Variants in CUX2 observed in about 807,000 individuals in gnomAD.
CUX2 encodes cut like homeobox 2.
CUX2 carries 40 observed loss-of-function variants against 144.8 expected under a neutral mutation model. The observed-to-expected ratio is 0.28, with a 90% CI of 0.21 to 0.36. The LOEUF is 0.36. CUX2 is among the 10% of genes least tolerant of loss of function. CUX2 has a pLI of 1.00. For missense variants in CUX2, 1,615 were observed against 1,994.0 expected, an observed-to-expected ratio of 0.81 and a Z score of 3.62; for synonymous variants, 827 against 875.6, an observed-to-expected ratio of 0.94 and a Z score of 0.98.
At chr12:111,082,926 T>C (rs1187957188) in intron 1 of CUX2, among the ~76,000 whole-genome samples, 1 of 151,978 alleles carries the variant, frequency 6.6e-6, no homozygotes, top group Admixed American at 6.6e-5. Context: ...ATGGAGGACA[T>C]TTGAGCAGGA....
At chr12:111,063,781 C>T (rs1383975181) in intron 1 of CUX2, among the ~76,000 whole-genome samples, 4 of 152,226 alleles carry the variant, frequency 2.6e-5, no homozygotes, top group African/African-American at 7.2e-5. Context: ...CTCCAAAATA[C>T]TGATTCATTA....
intron 4 of CUX2, among the ~76,000 whole-genome samples, chr12:111,276,750 C>T (rs1031694889): frequency 2.6e-5 from 4 of 152,222 alleles, no homozygotes; most frequent in African/African-American, 7.2e-5. Flanking sequence ...TGGGTTCAGG[C>T]GATTCTTCTG....
intron 9 of CUX2, among the ~76,000 whole-genome samples, chr12:111,303,914 T>A (rs1284126828): frequency 6.6e-6 from 1 of 152,156 alleles, no homozygotes; most frequent in Non-Finnish European, 1.5e-5. Flanking sequence ...GCAGGAATGT[T>A]CTGACTCCTC....
At chr12:111,325,449 C>T (rs1400615058) in intron 18 of CUX2, among the ~76,000 whole-genome samples, 1 of 152,156 alleles carries the variant, frequency 6.6e-6, no homozygotes, top group Non-Finnish European at 1.5e-5. Context: ...TGAGGAAATC[C>T]AGGGGCATGG....
At chr12:111,046,032 A>C (rs1281632945) in intron 1 of CUX2, among the ~76,000 whole-genome samples, 1 of 152,236 alleles carries the variant, frequency 6.6e-6, no homozygotes, top group Admixed American at 6.5e-5. Context: ...TTAGCTGCTC[A>C]GGTATCAGAT....
rs533123345 is a variant in CUX2 at position 111,282,673 on chromosome 12, C to T, written c.302-8745C>T. Among the ~76,000 whole-genome samples the T allele has an allele frequency of 6.7e-5, 10 of 148,686 alleles. No individual in the cohort carries two copies. In the East Asian group the frequency reaches 7.9e-4, roughly 12 times the overall value. ...AATCACACAGAACAGGAGGCTTAAA[C>T]GCAAGAAATTTACTTCCCCACGGTG... On this transcript the variant is annotated intron_variant, in intron 4 of 21. Coordinates refer to ENST00000261726, the MANE Select transcript of CUX2 (RefSeq NM_015267.4).
At chr12:111,185,346 G>T (rs1879462017) in intron 1 of CUX2, among the ~76,000 whole-genome samples, 1 of 152,180 alleles carries the variant, frequency 6.6e-6, no homozygotes, top group Non-Finnish European at 1.5e-5. Context: ...GTCAAATTTG[G>T]AAGCAAGTAC....
intron 1 of CUX2, chr12:111,100,136 C>T (rs1415579757): frequency 6.7e-6 from 3 of 444,952 alleles, no homozygotes; most frequent in South Asian, 1.6e-5. Context: ...AAGGACCCGC[C>T]GAGGGTTGAG....
chr12:111,140,857 A>G (rs771198146), intron 1 of CUX2, among the ~76,000 whole-genome samples: 2 of 152,176 alleles, frequency 1.3e-5, no homozygotes, highest in Non-Finnish European at 1.5e-5. Flanking sequence ...ATGATATTTC[A>G]GTTTTATTTC....
In CUX2 at chr12:111,263,683, A is replaced by G. The variant is rs745485617; in HGVS notation, c.223-78A>G. 3.0e-4 allele frequency: 183 copies of G among 612,974 alleles called. No homozygotes were observed. Among genetic ancestry groups the G allele is most frequent in the Non-Finnish European group, 3.7e-4 (164 of 441,744 alleles). The allele number at this position is 612,974 out of a possible 1,614,324, so 38.0% of individuals were successfully genotyped here. On this transcript the variant is annotated intron_variant, in intron 3 of 21. Coordinates refer to ENST00000261726, the MANE Select transcript of CUX2 (RefSeq NM_015267.4). The surrounding 1 kb of genome is among the most constrained non-coding windows in gnomAD (Gnocchi z 4.0). The stretch of plus-strand genomic sequence containing the variant: ...AAAACCTGCAGATGTTTTCTTGTGG[A>G]AAAAAAAAATGATGAAATTTGCTTG...
intron 1 of CUX2, among the ~76,000 whole-genome samples, chr12:111,100,496 G>A (rs377321644): frequency 6.6e-6 from 1 of 152,122 alleles, no homozygotes; most frequent in Non-Finnish European, 1.5e-5. Flanking sequence ...GGATGTGTGT[G>A]TGTATCTTAA....
chr12:111,306,419 T>C (rs1367995504), intron 10 of CUX2, among the ~76,000 whole-genome samples: 1 of 152,002 alleles, frequency 6.6e-6, no homozygotes, highest in African/African-American at 2.4e-5. Flanking sequence ...CCTCTCCATC[T>C]TCATCCAGGA....
At chr12:111,127,841 G>T (rs556933208) in intron 1 of CUX2, among the ~76,000 whole-genome samples, 16 of 152,326 alleles carry the variant, frequency 1.1e-4, no homozygotes, top group African/African-American at 3.4e-4. Context: ...TTACATGGTG[G>T]CAGGAAAGAG....
At position 111,128,764 on chromosome 12, in the gene CUX2, T is replaced by A. The variant is rs78036879; in HGVS notation, c.64-85436T>A. Among the ~76,000 whole-genome samples, 1,480 of 152,316 alleles carry A rather than the reference T, an allele frequency of 9.7e-3. 28 individuals carry two copies. The highest frequency in any genetic ancestry group is 0.034 in the African/African-American group (1,420 of 41,554). On this transcript the variant is annotated intron_variant, in intron 1 of 21. Transcript: ENST00000261726. ...GCTCTAGAATCCTAAGGGCTTGCAC[T>A]GTGATTTATCCAGATGGGGGCCTGT...
intron 3 of CUX2, among the ~76,000 whole-genome samples, chr12:111,234,681 C>T (rs983403612): frequency 8.0e-5 from 12 of 149,902 alleles, no homozygotes; most frequent in Non-Finnish European, 1.2e-4. Flanking sequence ...GTTTGAACAC[C>T]GGTGAGGTGA....
chr12:111,050,045 A>C (rs1870186091), intron 1 of CUX2, among the ~76,000 whole-genome samples: 1 of 152,188 alleles, frequency 6.6e-6, no homozygotes, highest in South Asian at 2.1e-4. Context: ...GAAGGAAGGC[A>C]GGGCAGAGAA....
At chr12:111,143,803 T>TG (rs952548994) in intron 1 of CUX2, among the ~76,000 whole-genome samples, 7 of 152,166 alleles carry the variant, frequency 4.6e-5, no homozygotes, top group African/African-American at 7.2e-5. Context: ...CTGGGGTGTG[T>TG]GGGGGGGTTT....
At chr12:111,194,095 A>G (rs1214857690) in intron 1 of CUX2, among the ~76,000 whole-genome samples, 2 of 152,174 alleles carry the variant, frequency 1.3e-5, no homozygotes, top group Non-Finnish European at 2.9e-5. Context: ...CCACCTGGGT[A>G]GCAGTAGCCT....
chr12:111,072,443 A>T (rs1449999146), intron 1 of CUX2, among the ~76,000 whole-genome samples: 1 of 152,216 alleles, frequency 6.6e-6, no homozygotes, highest in Non-Finnish European at 1.5e-5. Flanking sequence ...GCCCCCATGC[A>T]GTTCCCTCTG....
Sources: gnomAD v4.1 joint callset for allele counts (sites outside exome capture counted in the v4.1 genomes callset) on GRCh38, gnomAD v4.1.1 for gene constraint, Gnocchi (gnomAD v3.1) non-coding constraint, MANE v1.5 for transcripts, NCBI Gene and HGNC (gene_info 2026-07-23, HGNC 2026-07-21) for gene names.